XNDC1N: variants seen among roughly 807,000 people sequenced by gnomAD.
XNDC1N encodes protein XNDC1N.
At chr11:71,914,471 G>A in the XNDC1N span, 3 of 430,054 alleles carry the variant, frequency 7.0e-6, no homozygotes, top group East Asian at 1.4e-4. Context: ...TGGATCACTT[G>A]AGGCCAGGAG....
chr11:71,913,834 A>G, the XNDC1N span, among the ~76,000 whole-genome samples: 1 of 152,186 alleles, frequency 6.6e-6, no homozygotes, highest in Non-Finnish European at 1.5e-5. Flanking sequence ...TACTATTTAA[A>G]AAATCCTAGG....
At chr11:71,892,945 G>GA in the XNDC1N span, among the ~76,000 whole-genome samples, 1 of 149,444 alleles carries the variant, frequency 6.7e-6, no homozygotes, top group Non-Finnish European at 1.5e-5. Flanking sequence ...ATTGGCATGG[G>GA]AAAAACTCTT....
the XNDC1N span, among the ~76,000 whole-genome samples, chr11:71,906,322 C>A: frequency 6.6e-6 from 1 of 151,978 alleles, no homozygotes; most frequent in African/African-American, 2.4e-5. Flanking sequence ...ACCCCTGTGA[C>A]ATTAGGAGTA....
the XNDC1N span, chr11:71,894,529 C>G: frequency 6.4e-6 from 1 of 155,896 alleles, no homozygotes; most frequent in African/African-American, 2.4e-5. Flanking sequence ...TTCCGCATTT[C>G]CTTTGTGAAT....
At chr11:71,891,170 T>C in the XNDC1N span, among the ~76,000 whole-genome samples, 2 of 152,136 alleles carry the variant, frequency 1.3e-5, no homozygotes, top group East Asian at 1.9e-4. Context: ...GATATCATAC[T>C]CTTTCACTCT....
chr11:71,879,198 C>G, the XNDC1N span, among the ~76,000 whole-genome samples: 1 of 152,146 alleles, frequency 6.6e-6, no homozygotes, highest in Non-Finnish European at 1.5e-5. Flanking sequence ...CACCACTGAT[C>G]CAGGCAAGGA....
the XNDC1N span, among the ~76,000 whole-genome samples, chr11:71,891,562 G>A: frequency 2.9e-3 from 447 of 152,220 alleles, 10 homozygotes; most frequent in Non-Finnish European, 1.0e-3. Flanking sequence ...CCTGGATACA[G>A]AGAAAGATAC....
At chr11:71,901,744 G>A in the XNDC1N span, among the ~76,000 whole-genome samples, 1 of 152,056 alleles carries the variant, frequency 6.6e-6, no homozygotes, top group African/African-American at 2.4e-5. Context: ...CAAAGGGTGA[G>A]ATATCCATCC....
At chr11:71,907,319 G>T in the XNDC1N span, among the ~76,000 whole-genome samples, 2 of 151,604 alleles carry the variant, frequency 1.3e-5, no homozygotes, top group African/African-American at 2.4e-5. Flanking sequence ...TCCCCCACTG[G>T]ATATTACGAG....
the XNDC1N span, among the ~76,000 whole-genome samples, chr11:71,911,703 G>A: frequency 6.6e-6 from 1 of 152,118 alleles, no homozygotes; most frequent in Non-Finnish European, 1.5e-5. Flanking sequence ...TGAACTCTGG[G>A]GGAAAAGGCA....
At chr11:71,897,302 T>A in the XNDC1N span, among the ~76,000 whole-genome samples, 1 of 152,092 alleles carries the variant, frequency 6.6e-6, no homozygotes, top group African/African-American at 2.4e-5. Context: ...AACCCATGGA[T>A]TAGGAAATAT....
the XNDC1N span, among the ~76,000 whole-genome samples, chr11:71,889,354 G>T: frequency 0.78 from 118,182 of 152,226 alleles, 46,863 homozygotes; most frequent in African/African-American, 0.94. Flanking sequence ...GCTTCCACCT[G>T]GCTGGGTTTG....
the XNDC1N span, among the ~76,000 whole-genome samples, chr11:71,879,466 T>C: frequency 0.021 from 2,291 of 111,188 alleles, no homozygotes; most frequent in Non-Finnish European, 0.029. Context: ...GGTTGACTTA[T>C]TGATCATTTC....
chr11:71,878,249 G>A, the XNDC1N span, among the ~76,000 whole-genome samples: 1 of 152,190 alleles, frequency 6.6e-6, no homozygotes, highest in African/African-American at 2.4e-5. Flanking sequence ...GTTGACCTTT[G>A]ATAAATGTAC....
At chr11:71,926,346 A>G in the XNDC1N span, among the ~76,000 whole-genome samples, 2 of 152,154 alleles carry the variant, frequency 1.3e-5, no homozygotes, top group Admixed American at 6.5e-5. Flanking sequence ...AGTTCTCACA[A>G]GATTAAGTTC....
At chr11:71,874,155 A>T in the XNDC1N span, among the ~76,000 whole-genome samples, 3 of 152,144 alleles carry the variant, frequency 2.0e-5, no homozygotes, top group African/African-American at 7.2e-5. Context: ...TCTCCACAAA[A>T]AAGAAATACA....
chr11:71,907,255 A>G, the XNDC1N span, among the ~76,000 whole-genome samples: 1 of 152,136 alleles, frequency 6.6e-6, no homozygotes, highest in Non-Finnish European at 1.5e-5. Context: ...GGTGTTAACC[A>G]AGTGTAGCAG....
the XNDC1N span, among the ~76,000 whole-genome samples, chr11:71,877,373 C>T: frequency 6.6e-6 from 1 of 152,346 alleles, no homozygotes; most frequent in Non-Finnish European, 1.5e-5. Flanking sequence ...CGTGGTGGCT[C>T]ACCCCTGTAA....
At chr11:71,874,369 C>T in the XNDC1N span, among the ~76,000 whole-genome samples, 1 of 152,022 alleles carries the variant, frequency 6.6e-6, no homozygotes, top group Admixed American at 6.5e-5. Context: ...AGATAGAACT[C>T]GGCTTGCTAA....
Sources: gnomAD v4.1 joint callset for allele counts (sites outside exome capture counted in the v4.1 genomes callset) on GRCh38, gnomAD v4.1.1 for gene constraint, MANE v1.5 for transcripts, NCBI Gene and HGNC (gene_info 2026-07-23, HGNC 2026-07-21) for gene names.